The following EPB41L4B variants were observed in gnomAD, a reference collection of about 807,000 sequenced individuals.
EPB41L4B encodes erythrocyte membrane protein band 4.1 like 4B, also known as band 4.1-like protein 4B.
A neutral mutation model predicts 112.5 loss-of-function variants in EPB41L4B; 30 were observed. That is an observed-to-expected ratio of 0.27 (90% confidence interval 0.20 to 0.36). EPB41L4B has a LOEUF of 0.36. EPB41L4B is among the 10% of genes least tolerant of loss of function. The pLI, the probability that EPB41L4B is intolerant of heterozygous loss-of-function variation, is 1.00. For missense variants in EPB41L4B, 1,024 were observed against 1,133.3 expected (o/e 0.90, Z 1.38); for synonymous variants, 408 against 439.7 (o/e 0.93, Z 0.90).
intron 2 of EPB41L4B, among the ~76,000 whole-genome samples, chr9:109,278,144 A>G (rs1835906042): frequency 6.6e-6 from 1 of 152,154 alleles, no homozygotes; most frequent in Non-Finnish European, 1.5e-5. Context: ...AATTGGACTC[A>G]GAGGTGGAAA....
At position 109,173,628 on chromosome 9, in the gene EPB41L4B, T is replaced by C. The variant is rs1286950357; in HGVS notation, c.*926A>G. 6.6e-6 allele frequency: 1 copy of C among 152,620 alleles called. No homozygotes were observed. Among genetic ancestry groups the C allele is most frequent in the African/African-American group, 2.4e-5 (1 of 41,442 alleles). 9.5% of individuals were successfully genotyped at this position (152,620 alleles called of 1,614,324 possible). On this transcript the variant is annotated 3_prime_UTR_variant, in exon 26 of 26. Coordinates refer to ENST00000374566, the MANE Select transcript of EPB41L4B (RefSeq NM_019114.5). ...AGAATGTACACAACGATCATAGCTATGTAAAAATATGTGTGTATTCATTGA... is the reference window on the plus strand; with the variant it reads ...AGAATGTACACAACGATCATAGCTACGTAAAAATATGTGTGTATTCATTGA...
At chr9:109,177,691 C>T (rs1471713781) in intron 24 of EPB41L4B, among the ~76,000 whole-genome samples, 4 of 151,922 alleles carry the variant, frequency 2.6e-5, no homozygotes, top group East Asian at 1.9e-4. Context: ...GGCACGCTGG[C>T]GCACGCCTGT....
intron 24 of EPB41L4B, among the ~76,000 whole-genome samples, 169 bp downstream of exon 24, chr9:109,182,560 C>G (rs1832103849): frequency 6.6e-6 from 1 of 152,192 alleles, no homozygotes. Flanking sequence ...ATGTCAATGT[C>G]ACATCAATAA....
intron 15 of EPB41L4B, among the ~76,000 whole-genome samples, chr9:109,221,792 A>G (rs944771301): frequency 5.3e-5 from 8 of 152,232 alleles, no homozygotes; most frequent in Non-Finnish European, 1.2e-4. Context: ...GATGTCTTGT[A>G]GCAGAGATCT....
At chr9:109,187,120 C>T (rs1832298396) in intron 22 of EPB41L4B, among the ~76,000 whole-genome samples, 1 of 152,096 alleles carries the variant, frequency 6.6e-6, no homozygotes, top group Non-Finnish European at 1.5e-5. Flanking sequence ...CAGGGAGGGA[C>T]CATTTGCTCC....
At chr9:109,297,423 A>G (rs573545298) in intron 1 of EPB41L4B, among the ~76,000 whole-genome samples, 1 of 152,318 alleles carries the variant, frequency 6.6e-6, no homozygotes, top group South Asian at 2.1e-4. Flanking sequence ...GGGCTCCACT[A>G]CTTACAACCA....
intron 2 of EPB41L4B, among the ~76,000 whole-genome samples, chr9:109,272,661 A>G (rs190395390): frequency 9.2e-5 from 14 of 151,520 alleles, no homozygotes; most frequent in Admixed American, 9.2e-4. Context: ...GCTGAGTCAG[A>G]AGAGTCCCTT....
chr9:109,258,056 T>C, intron 7 of EPB41L4B, 121 bp downstream of exon 7: 1 of 1,058,938 alleles, frequency 9.4e-7, no homozygotes. Flanking sequence ...GAGAGAAGAG[T>C]TGGCGCTGCA....
chr9:109,276,033 T>TTA (rs34358736), intron 2 of EPB41L4B, among the ~76,000 whole-genome samples: 26,451 of 147,086 alleles, frequency 0.18, 2,897 homozygotes, highest in Admixed American at 0.24. Flanking sequence ...ATTTAAAGTT[T>TTA]TATATATATA....
At chr9:109,253,118 A>G (rs1291023706) in intron 12 of EPB41L4B, among the ~76,000 whole-genome samples, 3 of 152,226 alleles carry the variant, frequency 2.0e-5, no homozygotes, top group African/African-American at 2.4e-5. Flanking sequence ...AGTATCTTCT[A>G]TAGGCAAGAA....
chr9:109,284,282 T>C (rs1358949511), intron 1 of EPB41L4B, among the ~76,000 whole-genome samples: 1 of 152,202 alleles, frequency 6.6e-6, no homozygotes, highest in Non-Finnish European at 1.5e-5. Context: ...GTACCCAAAG[T>C]ACGGTTTTCA....
At chr9:109,250,609 A>G (rs1469825837) in intron 13 of EPB41L4B, among the ~76,000 whole-genome samples, 1 of 152,210 alleles carries the variant, frequency 6.6e-6, no homozygotes, top group Admixed American at 6.5e-5. Flanking sequence ...AGAGAGCAAG[A>G]GCGGTATATG....
chr9:109,283,010 C>G (rs1836129487), intron 1 of EPB41L4B, among the ~76,000 whole-genome samples: 1 of 151,892 alleles, frequency 6.6e-6, no homozygotes, highest in Middle Eastern at 3.2e-3. Flanking sequence ...CTTCAACAAG[C>G]AGAATATAGG....
chr9:109,315,650 C>G (rs1401351693), intron 1 of EPB41L4B, among the ~76,000 whole-genome samples: 14 of 152,104 alleles, frequency 9.2e-5, no homozygotes, highest in Non-Finnish European at 1.9e-4. Flanking sequence ...AGCCACAGAC[C>G]ACAGCTTCCC....
intron 1 of EPB41L4B, among the ~76,000 whole-genome samples, chr9:109,302,849 C>G (rs534354037): frequency 6.6e-6 from 1 of 152,156 alleles, no homozygotes; most frequent in South Asian, 2.1e-4. Flanking sequence ...TGAAGAGAAC[C>G]AGATGTCCCT....
chr9:109,255,530 C>G lies in EPB41L4B; in HGVS notation c.1150G>C (p.Gly384Arg). 1 of 1,614,132 alleles carries G rather than the reference C, an allele frequency of 6.2e-7. No homozygotes were observed. The highest frequency in any genetic ancestry group is 8.5e-7 in the Non-Finnish European group (1 of 1,180,014). ...CCCTACCTGAATCTGAAGCGAGAGC[C>G]CAGCCTGATAAAGTCGGATCTATTG... ...KSNRSDFIRL[G>R]SRFRFSGRTE... Residue 384 changes from glycine (G) to arginine (R), a missense_variant, in exon 11 of 26, where the codon GGC becomes CGC. Transcript: ENST00000374566.
rs933245113 is a variant in EPB41L4B at position 109,256,537 on chromosome 9, T to C, written c.753-57A>G. 19 of 1,474,792 alleles carry C rather than the reference T, an allele frequency of 1.3e-5. No individual in the cohort carries two copies. The African/African-American group carries it at 2.6e-4, about 21-fold the overall frequency. 91.4% of individuals were successfully genotyped at this position (1,474,792 alleles called of 1,614,324 possible). A position where few individuals can be genotyped will look rare whatever the true frequency, so the allele number is the denominator to read the frequency against. ...TGCGACTCGTAAGCCCACAGGATTC[T>C]GAAGGGCACGGCCTTACTATGGAAC... On this transcript the variant is annotated intron_variant, in intron 7 of 25. Transcript: ENST00000374566.
At chr9:109,262,454 T>G (rs975574469) in intron 6 of EPB41L4B, among the ~76,000 whole-genome samples, 7 of 149,626 alleles carry the variant, frequency 4.7e-5, no homozygotes, top group Non-Finnish European at 8.9e-5. Context: ...TGTGTGGGGG[T>G]GTGTGTGTGT....
In EPB41L4B at chr9:109,273,438, G is replaced by C. The variant is rs182121322; in HGVS notation, c.412-5005C>G. ...ATTTTTATATTTTTAGTAGAAACAG[G>C]GTTTTGCCATGTTGGCTAGTCTGGT... is the stretch of plus-strand genomic sequence containing the variant. On this transcript the variant is annotated intron_variant, in intron 2 of 25. Transcript: ENST00000374566. 2.6e-4 allele frequency among the ~76,000 whole-genome samples: 39 copies of C among 152,204 alleles called. No homozygotes were observed. In the East Asian group the frequency reaches 6.8e-3, roughly 26 times the overall value.
Sources: allele counts gnomAD v4.1 joint callset (sites outside exome capture counted in the v4.1 genomes callset), GRCh38; gene constraint gnomAD v4.1.1; transcripts MANE v1.5; gene names NCBI Gene and HGNC (gene_info 2026-07-23, HGNC 2026-07-21).